The following LRAT variants were observed in gnomAD, a reference collection of about 807,000 sequenced individuals.
The protein encoded by LRAT is lecithin retinol acyltransferase (phosphatidylcholine--retinol O-acyltransferase).
LRAT carries 11 observed loss-of-function variants against 14.2 expected under a neutral mutation model. The observed-to-expected ratio is 0.78, with a 90% CI of 0.49 to 1.29. The LOEUF (loss-of-function observed/expected upper bound fraction) is 1.29, where lower values mean the gene tolerates loss of function less well. LRAT is among the 50% of genes most tolerant of loss of function. The pLI is 0.00. For missense variants in LRAT, 274 were observed against 292.4 expected (o/e 0.94, Z 0.46); for synonymous variants, 144 against 124.8 (o/e 1.15, Z -1.03).
chr4:154,749,064 C>A lies in LRAT; in HGVS notation c.621C>A (p.Val207=). 1 of 1,613,788 alleles carries A rather than the reference C, an allele frequency of 6.2e-7. No individual in the cohort carries two copies. The highest frequency in any genetic ancestry group is 8.5e-7 in the Non-Finnish European group (1 of 1,179,708). Residue 207 remains valine (V), a synonymous_variant, in exon 3 of 3, where the codon GTC becomes GTA. Coordinates refer to ENST00000336356, the MANE Select transcript of LRAT (RefSeq NM_004744.5). ...ASAVLGLASI[V]CTGLVSYTTL... ...CAGTCTTGGGATTGGCGTCTATAGT[C>A]TGTACGGGCTTGGTATCATACACTA...
chr4:154,745,783 T>G (rs201825), intron 2 of LRAT, among the ~76,000 whole-genome samples: 90,898 of 151,966 alleles, frequency 0.6, 28,460 homozygotes, highest in African/African-American at 0.77. Flanking sequence ...CCCCTGGTAG[T>G]TCCCTTATTC....
rs760244398 is a variant in LRAT, at chr4:154,751,733, C to CAAAAAAAAAAAAAAAAAAA, written c.*2610_*2628dup. ...TGGGCAACAAAGTGAGACTCCATCT[C>CAAAAAAAAAAAAAAAAAAA]AAAAAAAAAAAAAAAAAAAAAAAAA... On this transcript the variant is annotated 3_prime_UTR_variant, in exon 3 of 3. Coordinates refer to ENST00000336356, the MANE Select transcript of LRAT (RefSeq NM_004744.5). 4.2e-5 allele frequency: 1 copy of CAAAAAAAAAAAAAAAAAAA among 23,842 alleles called. No homozygotes were observed. The highest frequency in any genetic ancestry group is 1.3e-4 in the African/African-American group (1 of 7,742). 1.5% of individuals were successfully genotyped at this position (23,842 alleles called of 1,614,324 possible). A position where few individuals can be genotyped will look rare whatever the true frequency, so the allele number is the denominator to read the frequency against.
At position 154,749,953 on chromosome 4, in the gene LRAT, A is replaced by G. The variant is rs78274322; in HGVS notation, c.*817A>G. Reference sequence around the variant, plus strand: ...GTGTGAAATAAATATGTAGATAGTCACATATACACAGACTGAGAGATAAAT... The same window carrying G: ...GTGTGAAATAAATATGTAGATAGTCGCATATACACAGACTGAGAGATAAAT... On this transcript the variant is annotated 3_prime_UTR_variant, in exon 3 of 3. Transcript: ENST00000336356. 0.1 allele frequency: 15,683 copies of G among 152,238 alleles called. 1,204 individuals are homozygous for G. Among genetic ancestry groups the G allele is most frequent in the Admixed American group, 0.26 (4,043 of 15,270 alleles). The allele number at this position is 152,238 out of a possible 1,614,324, so 9.4% of individuals were successfully genotyped here. A position where few individuals can be genotyped will look rare whatever the true frequency, so the allele number is the denominator to read the frequency against.
chr4:154,744,007 G>C lies in LRAT; in HGVS notation c.-217G>C, dbSNP rs1732820037. ...AGCGAAGCCTGCACCTCCGAGCACC[G>C]CGCGCGGCCCTGCCCCCGGCACGGC... is the stretch of plus-strand genomic sequence containing the variant. On this transcript the variant is annotated 5_prime_UTR_variant, in exon 1 of 3. Coordinates refer to ENST00000336356, the MANE Select transcript of LRAT (RefSeq NM_004744.5). 5.3e-6 allele frequency: 2 copies of C among 377,188 alleles called. No individual in the cohort carries two copies. Among genetic ancestry groups the C allele is most frequent in the Non-Finnish European group, 4.9e-6 (1 of 202,224 alleles). The allele number at this position is 377,188 out of a possible 1,614,324, so 23.4% of individuals were successfully genotyped here.
upstream of LRAT, among the ~76,000 whole-genome samples, chr4:154,741,391 C>A (rs1160981325): frequency 6.6e-6 from 1 of 152,186 alleles, no homozygotes; most frequent in Non-Finnish European, 1.5e-5. Flanking sequence ...TCCTAGCACG[C>A]AGAGCAGCAG....
rs995895723 is a variant in LRAT, at chr4:154,744,437, C to T, written c.111C>T (p.Asn37=). 1 of 1,613,994 alleles carries T rather than the reference C, an allele frequency of 6.2e-7. No homozygotes were observed. The highest frequency in any genetic ancestry group is 8.5e-7 in the Non-Finnish European group (1 of 1,180,034). ...SGAAGEDKGR[N]SFYETSSFHR... is the part of the protein sequence containing the mutation. Reference sequence around the variant, plus strand: ...CCGCGGGCGAAGACAAAGGGAGGAACAGTTTTTATGAAACCAGCTCTTTCC... The same window carrying T: ...CCGCGGGCGAAGACAAAGGGAGGAATAGTTTTTATGAAACCAGCTCTTTCC... Residue 37 remains asparagine (N), a synonymous_variant, in exon 2 of 3, where the codon AAC becomes AAT. Transcript: ENST00000336356.
At chr4:154,741,815 C>CAT (rs1166695785), upstream of LRAT, among the ~76,000 whole-genome samples, 2 of 152,118 alleles carry the variant, frequency 1.3e-5, no homozygotes, top group East Asian at 3.9e-4. Context: ...TAAAAGAATT[C>CAT]ATATATATGT....
chr4:154,745,005 CCTTTTTTT>C (rs765665481), intron 2 of LRAT, 139 bp downstream of exon 2: 54,901 of 429,094 alleles, frequency 0.13, 3,327 homozygotes, highest in African/African-American at 0.33. Context: ...TTTTCTTTTT[CCTTTTTTT>C]TTTTTTTTTT....
Position 154,744,925 on chromosome 4 carries a change from G to A in LRAT, c.540+59G>A. On this transcript the variant is annotated intron_variant, in intron 2 of 2. Coordinates refer to ENST00000336356, the MANE Select transcript of LRAT (RefSeq NM_004744.5). ...CGCGGAGATGCCCCCTCCCATCCCT[G>A]ACCTTTTCTCTTCCCCGCGAGTAGG... is the stretch of plus-strand genomic sequence containing the variant. The A allele has an allele frequency of 5.1e-6, 8 of 1,557,260 alleles. No individual in the cohort carries two copies. In the South Asian group the frequency reaches 8.9e-5, roughly 17 times the overall value.
chr4:154,744,295 G>T, intron 1 of LRAT, 31 bp from the exon 2 acceptor site: 1 of 1,611,860 alleles, frequency 6.2e-7, no homozygotes. Context: ...AGTGGCACCG[G>T]CACCTCTCCA....
At chr4:154,743,130 C>A (rs7661288), upstream of LRAT, among the ~76,000 whole-genome samples, 19 of 93,442 alleles carry the variant, frequency 2.0e-4, no homozygotes, top group African/African-American at 9.2e-4. Context: ...CCCCAACCCC[C>A]CCCCCCCCGC....
rs546010418 is a variant in LRAT at position 154,751,682 on chromosome 4, G to A, written c.*2546G>A. On this transcript the variant is annotated 3_prime_UTR_variant, in exon 3 of 3. Transcript: ENST00000336356. ...CGAGGAGGCGGAGCTTGCAGTGAGT[G>A]GAAATTGCGCCACTGCACTCCAGCC... is the stretch of plus-strand genomic sequence containing the variant. 7.7e-6 allele frequency: 1 copy of A among 129,682 alleles called. No individual in the cohort carries two copies. Among genetic ancestry groups the A allele is most frequent in the South Asian group, 2.7e-4 (1 of 3,662 alleles). 8.0% of individuals were successfully genotyped at this position (129,682 alleles called of 1,614,324 possible).
chr4:154,753,118 C>G lies in LRAT; in HGVS notation c.*3982C>G, dbSNP rs1560875403. The G allele has an allele frequency of 1.3e-5, 2 of 152,184 alleles. No individual in the cohort carries two copies. The highest frequency in any genetic ancestry group is 3.4e-3 in the Middle Eastern group (1 of 294). The allele number at this position is 152,184 out of a possible 1,614,324, so 9.4% of individuals were successfully genotyped here. ...TGTCAAATAAAGTTAATTTTACATA[C>G]TATTCTCTCTTTAAATTTTAAATAC... On this transcript the variant is annotated 3_prime_UTR_variant, in exon 3 of 3. Coordinates refer to ENST00000336356, the MANE Select transcript of LRAT (RefSeq NM_004744.5).
At position 154,744,213 on chromosome 4, in the gene LRAT, TG is replaced by T; in HGVS notation, c.-9del. On this transcript the variant is annotated 5_prime_UTR_variant, in exon 1 of 3. Coordinates refer to ENST00000336356, the MANE Select transcript of LRAT (RefSeq NM_004744.5). ...GCCGTACTTTGCGCCGTACCTCACC[TG>T]GCCTGCAGGTGAGCAGCAGCGCAGC... The T allele has an allele frequency of 8.9e-7, 1 of 1,127,972 alleles. No homozygotes were observed. Among genetic ancestry groups the T allele is most frequent in the Non-Finnish European group, 1.3e-6 (1 of 754,784 alleles). 69.9% of individuals were successfully genotyped at this position (1,127,972 alleles called of 1,614,324 possible).
At chr4:154,741,179 A>G (rs12501328), upstream of LRAT, among the ~76,000 whole-genome samples, 19,610 of 131,240 alleles carry the variant, frequency 0.15, 1,680 homozygotes, top group Admixed American at 0.32. Flanking sequence ...TAAATTTGCA[A>G]TGGTCCTTGA....
At chr4:154,748,312 C>T (rs1401973015) in intron 2 of LRAT, 1 of 974,756 alleles carries the variant, frequency 1.0e-6, no homozygotes, top group Non-Finnish European at 1.2e-6. Flanking sequence ...AGGACTCAGA[C>T]ATAGGCCATC....
rs530247920 is a variant in LRAT at position 154,749,899 on chromosome 4, T to TTGAAGTTA, written c.*766_*773dup. ...CTCTGAGAGGTAAATGGATATAGGA[T>TTGAAGTTA]TGAAGTTATGTGGGTATTTGGCATG... On this transcript the variant is annotated 3_prime_UTR_variant, in exon 3 of 3. Transcript: ENST00000336356. 9 of 152,278 alleles carry TTGAAGTTA rather than the reference T, an allele frequency of 5.9e-5. No individual in the cohort carries two copies. The highest frequency in any genetic ancestry group is 5.9e-4 in the Admixed American group (9 of 15,286). 9.4% of individuals were successfully genotyped at this position (152,278 alleles called of 1,614,324 possible).
chr4:154,750,417 C>T lies in LRAT; in HGVS notation c.*1281C>T, dbSNP rs572110901. The T allele has an allele frequency of 6.6e-6, 1 of 152,062 alleles. No homozygotes were observed. Among genetic ancestry groups the T allele is most frequent in the Non-Finnish European group, 1.5e-5 (1 of 67,990 alleles). 9.4% of individuals were successfully genotyped at this position (152,062 alleles called of 1,614,324 possible). On this transcript the variant is annotated 3_prime_UTR_variant, in exon 3 of 3. Coordinates refer to ENST00000336356, the MANE Select transcript of LRAT (RefSeq NM_004744.5). ...AGCACTTTTACAAAATTACCAAATT[C>T]TTAAAATGAAGCCACAGCTAGACTT...
rs758286570 is a variant in LRAT, at chr4:154,744,458, T to C, written c.132T>C (p.Ser44=). The change falls in exon 2 of 3, where the codon TCT becomes TCC. Residue 44 remains serine (S), a synonymous_variant. Transcript: ENST00000336356. The part of the protein sequence containing the change: ...KGRNSFYETS[S]FHRGDVLEVP... ...GGAACAGTTTTTATGAAACCAGCTC[T>C]TTCCACCGAGGCGACGTGCTGGAGG... is the stretch of plus-strand genomic sequence containing the variant. The C allele has an allele frequency of 1.5e-5, 25 of 1,613,906 alleles. No homozygotes were observed. The highest frequency in any genetic ancestry group is 2.2e-5 in the East Asian group (1 of 44,866).
Sources: gnomAD v4.1 joint callset for allele counts (sites outside exome capture counted in the v4.1 genomes callset) on GRCh38, gnomAD v4.1.1 for gene constraint, MANE v1.5 for transcripts, NCBI Gene and HGNC (gene_info 2026-07-23, HGNC 2026-07-21) for gene names.